Variants in MAML2 observed in about 807,000 individuals in gnomAD.
MAML2 encodes mastermind-like protein 2.
Under a neutral mutation model 96.1 loss-of-function variants are expected in MAML2, and 22 were observed. The ratio of observed to expected loss-of-function variants is 0.23; its 90% confidence interval spans 0.16 to 0.33. The LOEUF is 0.33. Ranked by LOEUF, MAML2 falls within the 10% of genes least tolerant of loss-of-function variation. The pLI, the probability that MAML2 is intolerant of heterozygous loss-of-function variation, is 1.00. For synonymous variants in MAML2, 561 were observed against 521.3 expected, an observed-to-expected ratio of 1.08 and a Z score of -1.04; for missense variants, 1,367 against 1,392.4, an observed-to-expected ratio of 0.98 and a Z score of 0.29.
intron 1 of MAML2, among the ~76,000 whole-genome samples, chr11:96,259,346 C>G (rs1429658637): frequency 6.6e-6 from 1 of 152,122 alleles, no homozygotes; most frequent in Non-Finnish European, 1.5e-5. Flanking sequence ...CCCTTGCAAC[C>G]GTAAGTCATT....
At chr11:96,208,692 C>T (rs11601288) in intron 1 of MAML2, among the ~76,000 whole-genome samples, 2,043 of 152,156 alleles carry the variant, frequency 0.013, 53 homozygotes, top group African/African-American at 0.047. Flanking sequence ...CACTAGTTCA[C>T]CAGCAATGGA....
At chr11:96,045,782 C>A (rs990791546) in intron 2 of MAML2, among the ~76,000 whole-genome samples, 1 of 152,090 alleles carries the variant, frequency 6.6e-6, no homozygotes, top group African/African-American at 2.4e-5. Context: ...GAAGATAAAT[C>A]GAGACAAACT....
intron 1 of MAML2, among the ~76,000 whole-genome samples, chr11:96,116,027 T>C (rs942294511): frequency 1.3e-5 from 2 of 152,272 alleles, no homozygotes; most frequent in African/African-American, 2.4e-5. Flanking sequence ...AACTTTTTTT[T>C]CCCCACCCTG....
chr11:96,001,063 C>T (rs1858071366), intron 2 of MAML2, among the ~76,000 whole-genome samples: 1 of 152,180 alleles, frequency 6.6e-6, no homozygotes, highest in Admixed American at 6.6e-5. Flanking sequence ...TTCTCCTGCA[C>T]CGTGCAGAGA....
At chr11:96,185,705 C>G (rs1393377584) in intron 1 of MAML2, among the ~76,000 whole-genome samples, 1 of 152,194 alleles carries the variant, frequency 6.6e-6, no homozygotes, top group East Asian at 1.9e-4. Context: ...TTGCATGTTA[C>G]TGCTCAGTGT....
intron 2 of MAML2, among the ~76,000 whole-genome samples, chr11:96,029,800 C>G (rs1378106832): frequency 6.6e-6 from 1 of 152,112 alleles, no homozygotes; most frequent in Non-Finnish European, 1.5e-5. Context: ...TTCAGGTGCT[C>G]AAAGATAGGC....
At chr11:96,216,784 G>T (rs1397185870) in intron 1 of MAML2, among the ~76,000 whole-genome samples, 1 of 152,226 alleles carries the variant, frequency 6.6e-6, no homozygotes, top group Non-Finnish European at 1.5e-5. Flanking sequence ...CTCACAGAGG[G>T]TGTGAATTCA....
rs199879516 is a variant in MAML2, at chr11:95,991,522, C to A, written c.2341G>T (p.Ala781Ser). ...LLLQQQMLAD[A>S]EKIAPQDQIN... is the part of the protein sequence containing the mutation. Reference sequence around the variant, plus strand: ...TAGAAATTAAGAGAAAGTTTTACCGCGTCAGCCAGCATCTGCTGCTGGAGA... The same window carrying A: ...TAGAAATTAAGAGAAAGTTTTACCGAGTCAGCCAGCATCTGCTGCTGGAGA... Residue 781 changes from alanine (A) to serine (S), a missense_variant and splice_region_variant, in exon 3 of 5, where the codon GCG becomes TCG. Coordinates refer to ENST00000524717, the MANE Select transcript of MAML2 (RefSeq NM_032427.4). 1.2e-6 allele frequency: 2 copies of A among 1,613,476 alleles called. No individual in the cohort carries two copies. The highest frequency in any genetic ancestry group is 1.7e-5 in the Admixed American group (1 of 59,998).
At chr11:96,156,308 G>A (rs2135883727) in intron 1 of MAML2, among the ~76,000 whole-genome samples, 1 of 152,306 alleles carries the variant, frequency 6.6e-6, no homozygotes, top group Non-Finnish European at 1.5e-5. Context: ...ACACACCAGA[G>A]GTTCATGAAA....
chr11:96,209,570 C>T (rs1278390446), intron 1 of MAML2, among the ~76,000 whole-genome samples: 1 of 146,078 alleles, frequency 6.8e-6, no homozygotes, highest in Non-Finnish European at 1.5e-5. Context: ...AGTGAAATTC[C>T]ATCTCTAAAA....
In MAML2 at chr11:96,007,932, C is replaced by T. The variant is rs182139340; in HGVS notation, c.2140-16209G>A. Among the ~76,000 whole-genome samples the T allele has an allele frequency of 3.1e-3, 463 of 148,294 alleles. 2 individuals are homozygous for T. Among genetic ancestry groups the T allele is most frequent in the East Asian group, 0.023 (117 of 5,036 alleles). On this transcript the variant is annotated intron_variant, in intron 2 of 4. Transcript: ENST00000524717. The stretch of plus-strand genomic sequence containing the variant: ...GGGAGATATACCTAATGCTAGATGA[C>T]GAGTTAGTGGGTGCAGCGCACCAGC...
chr11:96,144,419 G>A (rs1191065577), intron 1 of MAML2, among the ~76,000 whole-genome samples: 1 of 152,174 alleles, frequency 6.6e-6, no homozygotes, highest in African/African-American at 2.4e-5. Context: ...AGGGAGGCAG[G>A]TTGGGACGAA....
chr11:96,038,854 C>A (rs538487712), intron 2 of MAML2, among the ~76,000 whole-genome samples: 1 of 152,318 alleles, frequency 6.6e-6, no homozygotes, highest in East Asian at 1.9e-4. Flanking sequence ...AAAGACATAA[C>A]TGTTTTATTC....
chr11:96,231,538 G>C (rs16923383), intron 1 of MAML2, among the ~76,000 whole-genome samples: 1,932 of 152,260 alleles, frequency 0.013, 45 homozygotes, highest in African/African-American at 0.044. Flanking sequence ...GGGAATGGCA[G>C]AAATGAGATT....
chr11:96,107,697 G>A lies in MAML2; in HGVS notation c.514-14180C>T, dbSNP rs188818206. ...TTGGCTTCACCACCCAACCTCCAGG[G>A]AGGAGAGAGGGGCTAAAGGTTGCGT... On this transcript the variant is annotated intron_variant, in intron 1 of 4. Transcript: ENST00000524717. Among the ~76,000 whole-genome samples, 93 of 152,316 alleles carry A rather than the reference G, an allele frequency of 6.1e-4. 1 individual carries two copies. The highest frequency in any genetic ancestry group is 2.1e-3 in the African/African-American group (86 of 41,578).
chr11:95,998,447 A>G (rs1858033090), intron 2 of MAML2, among the ~76,000 whole-genome samples: 1 of 152,174 alleles, frequency 6.6e-6, no homozygotes, highest in African/African-American at 2.4e-5. Context: ...GTAGGTACTG[A>G]CTAAGAATAA....
intron 2 of MAML2, among the ~76,000 whole-genome samples, chr11:95,999,987 G>A (rs781127732): frequency 3.3e-5 from 5 of 152,094 alleles, no homozygotes; most frequent in African/African-American, 9.7e-5. Flanking sequence ...ACTGTCTGCC[G>A]ATGAAGCCAT....
intron 1 of MAML2, among the ~76,000 whole-genome samples, chr11:96,291,370 C>T (rs965724741): frequency 2.6e-5 from 4 of 151,988 alleles, no homozygotes; most frequent in African/African-American, 9.7e-5. Flanking sequence ...AGGTGATTCA[C>T]CCCACCTTGG....
intron 2 of MAML2, among the ~76,000 whole-genome samples, chr11:96,044,250 C>T (rs1858861294): frequency 6.6e-6 from 1 of 152,150 alleles, no homozygotes; most frequent in Non-Finnish European, 1.5e-5. Context: ...GTGGTGGACT[C>T]TAGGTGCCAG....
Sources: allele counts gnomAD v4.1 joint callset (sites outside exome capture counted in the v4.1 genomes callset), GRCh38; gene constraint gnomAD v4.1.1; transcripts MANE v1.5; gene names NCBI Gene and HGNC (gene_info 2026-07-23, HGNC 2026-07-21).